Variants in KDELR2 observed in about 807,000 individuals in gnomAD.
KDELR2 encodes ER lumen protein-retaining receptor 2.
A neutral mutation model predicts 23.9 loss-of-function variants in KDELR2; 15 were observed. The observed-to-expected ratio is 0.63, with a 90% CI of 0.42 to 0.97. The LOEUF (loss-of-function observed/expected upper bound fraction) is 0.97, where lower values mean the gene tolerates loss of function less well. Ranked by LOEUF, KDELR2 falls within the 50% of genes least tolerant of loss-of-function variation. The probability of loss-of-function intolerance (pLI) is 0.00; values close to 1 mark genes in which losing one functional copy is unlikely to be tolerated. For synonymous variants in KDELR2, 119 were observed against 106.2 expected, an observed-to-expected ratio of 1.12 and a Z score of -0.74; for missense variants, 272 against 254.6, an observed-to-expected ratio of 1.07 and a Z score of -0.46.
intron 1 of KDELR2, among the ~76,000 whole-genome samples, chr7:6,478,473 A>C (rs1386919188): frequency 6.6e-6 from 1 of 152,144 alleles, no homozygotes; most frequent in Non-Finnish European, 1.5e-5. Flanking sequence ...TCCTAGCAAG[A>C]CTAAGCATCC....
chr7:6,466,978 T>C (rs1335846891), intron 3 of KDELR2, among the ~76,000 whole-genome samples: 1 of 152,148 alleles, frequency 6.6e-6, no homozygotes, highest in African/African-American at 2.4e-5. Context: ...TACCAGTCAG[T>C]GGCCCAGGGG....
chr7:6,471,176 G>GTTTTTTTTTTTTT (rs1161325162), intron 2 of KDELR2, among the ~76,000 whole-genome samples: 1 of 72,568 alleles, frequency 1.4e-5, no homozygotes, highest in Non-Finnish European at 2.5e-5. Flanking sequence ...ATTTGTTTCG[G>GTTTTTTTTTTTTT]TTTTTTTTTT....
Position 6,479,412 on chromosome 7 carries a change from C to T in KDELR2, c.91+4555G>A, listed in dbSNP as rs141223192. On this transcript the variant is annotated intron_variant, in intron 1 of 4. Transcript: ENST00000258739. The stretch of plus-strand genomic sequence containing the variant: ...TCAAGTGATCCACCCACCTTGGCCT[C>T]CTAAAGTGCTGGAATTACAGGCATG... 7.5e-4 allele frequency among the ~76,000 whole-genome samples: 114 copies of T among 152,294 alleles called. 1 individual carries two copies. The highest frequency in any genetic ancestry group is 2.6e-3 in the African/African-American group (108 of 41,566).
intron 4 of KDELR2, among the ~76,000 whole-genome samples, chr7:6,464,294 G>A (rs1184229130): frequency 6.7e-6 from 1 of 149,522 alleles, no homozygotes; most frequent in Non-Finnish European, 1.5e-5. Context: ...GCTGAGGTGT[G>A]CGGATCACGA....
At position 6,484,057 on chromosome 7, in the gene KDELR2, TGGCGGC is replaced by T; in HGVS notation, c.-6_-1del. 8 of 1,502,538 alleles carry T rather than the reference TGGCGGC, an allele frequency of 5.3e-6. No individual in the cohort carries two copies. The highest frequency in any genetic ancestry group is 7.1e-6 in the Non-Finnish European group (8 of 1,121,916). The allele number at this position is 1,502,538 out of a possible 1,614,324, so 93.1% of individuals were successfully genotyped here. A position where few individuals can be genotyped will look rare whatever the true frequency, so the allele number is the denominator to read the frequency against. ...TCCCCAGTCAGCCGGAAAATGTTCATGGCGGCGGCGGCGGTGGCGGTCGGCGCAGCG... is the reference window on the plus strand; with the variant it reads ...TCCCCAGTCAGCCGGAAAATGTTCATGGCGGCGGTGGCGGTCGGCGCAGCG... On this transcript the variant is annotated 5_prime_UTR_variant, in exon 1 of 5. Coordinates refer to ENST00000258739, the MANE Select transcript of KDELR2 (RefSeq NM_006854.4).
intron 1 of KDELR2, among the ~76,000 whole-genome samples, chr7:6,478,114 C>G (rs62439829): frequency 0.26 from 39,780 of 151,908 alleles, 6,005 homozygotes; most frequent in Non-Finnish European, 0.34. Context: ...CATTTTCCTA[C>G]CCAGTGGTAT....
chr7:6,480,949 G>C (rs1785874691), intron 1 of KDELR2, among the ~76,000 whole-genome samples: 1 of 152,156 alleles, frequency 6.6e-6, no homozygotes, highest in Non-Finnish European at 1.5e-5. Flanking sequence ...AATGTCCCGG[G>C]AATACTTGGC....
chr7:6,468,322 T>C (rs554091389), intron 3 of KDELR2, among the ~76,000 whole-genome samples: 11 of 152,240 alleles, frequency 7.2e-5, no homozygotes, highest in Non-Finnish European at 1.5e-4. Flanking sequence ...TAACCAGACA[T>C]GACCATGAAA....
chr7:6,483,425 C>T (rs568632547), intron 1 of KDELR2, among the ~76,000 whole-genome samples: 1 of 152,344 alleles, frequency 6.6e-6, no homozygotes, highest in East Asian at 1.9e-4. Context: ...CTACACCACA[C>T]CTAGAGCCCG....
chr7:6,479,677 C>T (rs1785845310), intron 1 of KDELR2, among the ~76,000 whole-genome samples: 2 of 152,222 alleles, frequency 1.3e-5, no homozygotes, highest in Middle Eastern at 6.8e-3. Context: ...TGGGGTTTCA[C>T]CGTGTTAGCC....
At chr7:6,471,660 G>C (rs1785645632) in intron 2 of KDELR2, among the ~76,000 whole-genome samples, 1 of 152,154 alleles carries the variant, frequency 6.6e-6, no homozygotes, top group Non-Finnish European at 1.5e-5. Context: ...CATTAAGTGA[G>C]GGCCTAGTGT....
rs1785398934 is a variant in KDELR2, at chr7:6,462,053, T to C, written c.*1088A>G. 6.6e-6 allele frequency: 1 copy of C among 152,110 alleles called. No individual in the cohort carries two copies. Among genetic ancestry groups the C allele is most frequent in the South Asian group, 2.1e-4 (1 of 4,828 alleles). The allele number at this position is 152,110 out of a possible 1,614,324, so 9.4% of individuals were successfully genotyped here. A position where few individuals can be genotyped will look rare whatever the true frequency, so the allele number is the denominator to read the frequency against. The stretch of plus-strand genomic sequence containing the variant: ...ATGTTTAATATAGTGTTTTTTAGGA[T>C]GGTAACATAAGTCATGCAACAGCTC... On this transcript the variant is annotated 3_prime_UTR_variant, in exon 5 of 5. Coordinates refer to ENST00000258739, the MANE Select transcript of KDELR2 (RefSeq NM_006854.4).
chr7:6,472,503 A>C (rs1415086901), intron 2 of KDELR2, among the ~76,000 whole-genome samples: 1 of 152,042 alleles, frequency 6.6e-6, no homozygotes, highest in Non-Finnish European at 1.5e-5. Context: ...TTGCTCACAC[A>C]CCTCTAATGC....
At chr7:6,476,303 A>G (rs1345407444) in intron 1 of KDELR2, among the ~76,000 whole-genome samples, 3 of 30,816 alleles carry the variant, frequency 9.7e-5, no homozygotes, top group African/African-American at 4.0e-4. Flanking sequence ...ACGGACAGTG[A>G]ATCTGCTCTT....
intron 2 of KDELR2, among the ~76,000 whole-genome samples, chr7:6,472,833 T>TTG (rs2115328848): frequency 6.6e-6 from 1 of 152,006 alleles, no homozygotes; most frequent in East Asian, 1.9e-4. Flanking sequence ...TGCTCAGTAT[T>TTG]TGTAGAAAGA....
rs536046474 is a variant in KDELR2, at chr7:6,479,724, G to A, written c.91+4243C>T. Among the ~76,000 whole-genome samples the A allele has an allele frequency of 5.3e-5, 8 of 152,182 alleles. No individual in the cohort carries two copies. The South Asian group carries it at 1.7e-3, about 32-fold the overall frequency. ...GATCTCCTGCCCTCAAGATCCGCCC[G>A]CCTTGGCCTCCCAAAGTCCTAGGAT... On this transcript the variant is annotated intron_variant, in intron 1 of 4. Transcript: ENST00000258739.
intron 1 of KDELR2, chr7:6,482,313 T>C: frequency 5.0e-6 from 1 of 199,504 alleles, no homozygotes; most frequent in Non-Finnish European, 1.1e-5. Context: ...TAAGGTTATT[T>C]TAATGACTAC....
rs373486935 is a variant in KDELR2, at chr7:6,462,936, C to T, written c.*205G>A. The T allele has an allele frequency of 8.9e-5, 139 of 1,568,060 alleles. No homozygotes were observed. The African/African-American group carries it at 1.6e-3, about 18-fold the overall frequency. On this transcript the variant is annotated 3_prime_UTR_variant, in exon 5 of 5. Transcript: ENST00000258739. ...CTTTGTGTAAAAAAATCTTTGTACA[C>T]AGTAATAAAAAAAGATAAGGCAAGA... is the stretch of plus-strand genomic sequence containing the variant.
Position 6,462,749 on chromosome 7 carries a change from C to G in KDELR2, c.*392G>C. The G allele has an allele frequency of 2.2e-6, 1 of 446,964 alleles. No individual in the cohort carries two copies. The highest frequency in any genetic ancestry group is 3.9e-6 in the Non-Finnish European group (1 of 254,672). The allele number at this position is 446,964 out of a possible 1,614,324, so 27.7% of individuals were successfully genotyped here. On this transcript the variant is annotated 3_prime_UTR_variant, in exon 5 of 5. Coordinates refer to ENST00000258739, the MANE Select transcript of KDELR2 (RefSeq NM_006854.4). ...GATGGAAGAATATATAATCTATCAA[C>G]TGTCAAGGAGTACAATTTCATTGCA... is the stretch of plus-strand genomic sequence containing the variant.
Sources: gnomAD v4.1 joint callset for allele counts (sites outside exome capture counted in the v4.1 genomes callset) on GRCh38, gnomAD v4.1.1 for gene constraint, MANE v1.5 for transcripts, NCBI Gene and HGNC (gene_info 2026-07-23, HGNC 2026-07-21) for gene names.